NCOR1: variants seen among roughly 807,000 people sequenced by gnomAD.
NCOR1 encodes nuclear receptor corepressor 1.
NCOR1 carries 63 observed loss-of-function variants against 288.1 expected under a neutral mutation model. The observed-to-expected ratio is 0.22, with a 90% CI of 0.18 to 0.27. NCOR1 has a LOEUF of 0.27. NCOR1 is among the 10% of genes least tolerant of loss of function. NCOR1 has a pLI of 1.00. For missense variants in NCOR1, 2,397 were observed against 3,019.2 expected (o/e 0.79, Z 4.83); for synonymous variants, 1,007 against 1,065.9 (o/e 0.94, Z 1.08).
rs2058746087 is a variant in NCOR1 at position 16,046,995 on chromosome 17, A to G, written c.6635T>C (p.Ile2212Thr). ...ACCAGAGGAGTTCAACTTACGAAAA[A>G]TCTCCTGCTTCTTTGATTTAACCAT... ...SPMVKSKKQE[I>T]FRKLNSSGGG... The change falls in exon 42 of 46, where the codon ATT becomes ACT. Residue 2212 changes from isoleucine to threonine, a missense_variant. Physicochemically the swap from Ile to Thr is moderately conservative, Grantham distance 89 (BLOSUM62 -1). Transcript: ENST00000268712. 1 of 1,613,900 alleles carries G rather than the reference A, an allele frequency of 6.2e-7. No individual in the cohort carries two copies. The highest frequency in any genetic ancestry group is 8.5e-7 in the Non-Finnish European group (1 of 1,179,970).
chr17:16,039,067 C>T (rs2057048113), intron 44 of NCOR1, among the ~76,000 whole-genome samples: 1 of 152,098 alleles, frequency 6.6e-6, no homozygotes, highest in Non-Finnish European at 1.5e-5. Flanking sequence ...CCGCACCCGG[C>T]TGGCTTATGT....
At chr17:16,207,095 G>A (rs1285922732) in intron 1 of NCOR1, among the ~76,000 whole-genome samples, 4 of 152,026 alleles carry the variant, frequency 2.6e-5, no homozygotes, top group African/African-American at 4.8e-5. Flanking sequence ...ATAACTCCTA[G>A]ATAGCACAAG....
At chr17:16,136,825 A>AAAAG (rs1555703147) in intron 14 of NCOR1, among the ~76,000 whole-genome samples, 61 of 138,974 alleles carry the variant, frequency 4.4e-4, no homozygotes, top group South Asian at 1.1e-3. Context: ...AAAAAAAAAA[A>AAAAG]AAAGAAAGAA....
In NCOR1 at chr17:16,100,977, C is replaced by G. The variant is rs75165033; in HGVS notation, c.2690+273G>C. ...ACAGTTATCTGTGGTTTATTCACAA[C>G]TTTATTAGTTGAAATTCCCTGTTAT... is the stretch of plus-strand genomic sequence containing the variant. On this transcript the variant is annotated intron_variant, in intron 20 of 45. Transcript: ENST00000268712. Among the ~76,000 whole-genome samples the G allele has an allele frequency of 5.1e-3, 778 of 152,326 alleles. 16 individuals carry two copies. The highest frequency in any genetic ancestry group is 0.049 in the East Asian group (256 of 5,184).
At chr17:16,130,983 C>A (rs1401191744) in intron 14 of NCOR1, among the ~76,000 whole-genome samples, 1 of 146,846 alleles carries the variant, frequency 6.8e-6, no homozygotes, top group Non-Finnish European at 1.5e-5. Context: ...GCCACCGCAC[C>A]TGGAATTTTT....
In NCOR1 at chr17:16,071,651, T is replaced by C. The variant is rs2061771698; in HGVS notation, c.3910A>G (p.Thr1304Ala). 2.5e-6 allele frequency: 4 copies of C among 1,612,014 alleles called. No homozygotes were observed. In the East Asian group the frequency reaches 8.9e-5, roughly 36 times the overall value. ...GSIMQGTPRA[T>A]TESFEDGLKY... The stretch of plus-strand genomic sequence containing the variant: ...AGGCCATCTTCAAAGCTTTCAGTTG[T>C]TGCTCTTGGTGTCCCTTGAAAAAGA... The change falls in exon 30 of 46, where the codon ACA becomes GCA. Residue 1304 changes from threonine to alanine, a missense_variant. By Grantham distance (58) the Thr-to-Ala change is moderately conservative (BLOSUM62 0). Coordinates refer to ENST00000268712, the MANE Select transcript of NCOR1 (RefSeq NM_006311.4).
chr17:16,092,679 ATATATATATATATATAT>A (rs2065511006), intron 21 of NCOR1, among the ~76,000 whole-genome samples: 2 of 18,680 alleles, frequency 1.1e-4, no homozygotes, highest in African/African-American at 5.7e-4. Flanking sequence ...ATATATATAT[ATATATATATATATATAT>A]TTTTTTTTTT....
chr17:16,117,470 T>C (rs1461642896), intron 18 of NCOR1, among the ~76,000 whole-genome samples: 1 of 87,754 alleles, frequency 1.1e-5, no homozygotes, highest in East Asian at 3.2e-4. Flanking sequence ...AATAAAAATA[T>C]AAGATACAAA....
intron 42 of NCOR1, 90 bp from the exon 43 acceptor site, chr17:16,040,584 T>G: frequency 9.2e-7 from 1 of 1,087,562 alleles, no homozygotes. Context: ...ATAAAATTAA[T>G]CTTTTTATTT....
At chr17:16,194,389 CAT>C (rs2089310167) in intron 2 of NCOR1, 71 bp downstream of exon 2, 5 of 949,998 alleles carry the variant, frequency 5.3e-6, no homozygotes, top group Admixed American at 2.4e-5. Context: ...TTCTGTCCCA[CAT>C]GTGTATTAAA....
chr17:16,156,849 A>T (rs939218248), intron 6 of NCOR1, among the ~76,000 whole-genome samples: 24 of 152,208 alleles, frequency 1.6e-4, no homozygotes, highest in Admixed American at 9.8e-4. Flanking sequence ...AATAGTATTC[A>T]GTCCTCAAAT....
Position 16,061,856 on chromosome 17 carries a change from A to C in NCOR1, c.5426T>G (p.Leu1809Arg), listed in dbSNP as rs1333392481. 14 of 1,613,218 alleles carry C rather than the reference A, an allele frequency of 8.7e-6. No individual in the cohort carries two copies. In the East Asian group the frequency reaches 3.1e-4, roughly 36 times the overall value. Residue 1809 changes from leucine (L) to arginine (R), a missense_variant, in exon 37 of 46, where the codon CTG becomes CGG. Physicochemically the swap from Leu to Arg is moderately radical, Grantham distance 102. Around this residue, in one of 11 missense-constraint regions of NCOR1, gnomAD observed 1,872 missense variants for 2,187.8 expected, o/e 0.86. Transcript: ENST00000268712. ...PAGGPSISQG[L>R]PASRYNTAAD... ...AGCAGTGTTGTAACGGGAGGCTGGCAGGCCTTGGCTTATTGAAGGGCCCCC... is the reference window on the plus strand; with the variant it reads ...AGCAGTGTTGTAACGGGAGGCTGGCCGGCCTTGGCTTATTGAAGGGCCCCC...
intron 40 of NCOR1, among the ~76,000 whole-genome samples, chr17:16,050,039 C>T (rs746906562): frequency 6.6e-6 from 1 of 152,004 alleles, no homozygotes; most frequent in East Asian, 1.9e-4. Context: ...TACAGGCATG[C>T]GTCACCATGC....
In NCOR1 at chr17:16,087,234, C is replaced by T. The variant is rs1159510745; in HGVS notation, c.3017-792G>A. ...CTGTGGAGCGGCTTTACTGACTTCT[C>T]TTGGAGAAAGCCTACACGGTGAGGC... is the stretch of plus-strand genomic sequence containing the variant. On this transcript the variant is annotated intron_variant, in intron 22 of 45. Coordinates refer to ENST00000268712, the MANE Select transcript of NCOR1 (RefSeq NM_006311.4). 3.1e-6 allele frequency: 4 copies of T among 1,304,142 alleles called. No homozygotes were observed. The South Asian group carries it at 4.9e-5, about 16-fold the overall frequency. The allele number at this position is 1,304,142 out of a possible 1,614,324, so 80.8% of individuals were successfully genotyped here. A position where few individuals can be genotyped will look rare whatever the true frequency, so the allele number is the denominator to read the frequency against.
chr17:16,127,321 A>ATATGTGTATATATG (rs2074457628), intron 14 of NCOR1, among the ~76,000 whole-genome samples: 1 of 96,146 alleles, frequency 1.0e-5, no homozygotes, highest in Non-Finnish European at 2.1e-5. Context: ...ATGTATGTAT[A>ATATGTGTATATATG]TATGTATGTA....
In NCOR1 at chr17:16,032,158, A is replaced by T. The variant is rs1461222204; in HGVS notation, c.*138T>A. ...CCAAATGAACTTCCATCATTTCTTC[A>T]TCATCTGTGGGCTGGCTCTCCTGAA... On this transcript the variant is annotated 3_prime_UTR_variant, in exon 46 of 46. Transcript: ENST00000268712. 1 of 847,070 alleles carries T rather than the reference A, an allele frequency of 1.2e-6. No homozygotes were observed. The highest frequency in any genetic ancestry group is 1.8e-5 in the African/African-American group (1 of 55,704). 52.5% of individuals were successfully genotyped at this position (847,070 alleles called of 1,614,324 possible).
chr17:16,149,292 C>CAT (rs34511605), intron 9 of NCOR1, among the ~76,000 whole-genome samples, 159 bp downstream of exon 9: 11,741 of 137,846 alleles, frequency 0.085, 732 homozygotes, highest in East Asian at 0.26. Flanking sequence ...AGATTTAAGT[C>CAT]ATATATATAT....
intron 8 of NCOR1, among the ~76,000 whole-genome samples, chr17:16,151,423 G>T (rs1256385110): frequency 3.9e-5 from 6 of 152,124 alleles, no homozygotes; most frequent in Admixed American, 3.9e-4. Context: ...TGGCAGAAGG[G>T]TCTACAAATA....
rs766650087 is a variant in NCOR1 at position 16,108,964 on chromosome 17, A to G, written c.2056-52T>C. The G allele has an allele frequency of 3.0e-5, 43 of 1,435,476 alleles. No homozygotes were observed. In the East Asian group the frequency reaches 1.0e-3, roughly 34 times the overall value. The allele number at this position is 1,435,476 out of a possible 1,614,324, so 88.9% of individuals were successfully genotyped here. A position where few individuals can be genotyped will look rare whatever the true frequency, so the allele number is the denominator to read the frequency against. The stretch of plus-strand genomic sequence containing the variant: ...TTTAAATAACTAAAAAGAAAAAAAA[A>G]TTCATTTCTGAAATAATGTAGAACA... On this transcript the variant is annotated intron_variant, in intron 18 of 45. Transcript: ENST00000268712.
Sources: allele counts gnomAD v4.1 joint callset (sites outside exome capture counted in the v4.1 genomes callset), GRCh38; gene constraint gnomAD v4.1.1; regional missense constraint gnomAD v4.1.1; transcripts MANE v1.5; gene names NCBI Gene and HGNC (gene_info 2026-07-23, HGNC 2026-07-21).